Variants in GABRB3 observed in about 807,000 individuals in gnomAD.
GABRB3 encodes the protein gamma-aminobutyric acid type A receptor subunit beta3, also known as gamma-aminobutyric acid receptor subunit beta-3.
Under a neutral mutation model 52.1 loss-of-function variants are expected in GABRB3, and 14 were observed. The observed-to-expected ratio is 0.27, with a 90% CI of 0.18 to 0.42. The LOEUF (loss-of-function observed/expected upper bound fraction) is 0.42. GABRB3 is among the 10% of genes least tolerant of loss of function. The pLI is 1.00. For missense variants in GABRB3, 307 were observed against 609.1 expected (o/e 0.50, Z 5.22); for synonymous variants, 260 against 232.3 (o/e 1.12, Z -1.08).
intron 5 of GABRB3, 80 bp from the exon 6 acceptor site, chr15:26,580,536 G>A: frequency 6.3e-7 from 1 of 1,575,720 alleles, no homozygotes; most frequent in Middle Eastern, 1.7e-4. Flanking sequence ...CATTAACATG[G>A]AGGTTGCGGC....
chr15:26,608,815 G>A lies in GABRB3; in HGVS notation c.461+12499C>T, dbSNP rs374757507. The stretch of plus-strand genomic sequence containing the variant: ...ATGAAAGATAAGTGTTGGCAAGGAT[G>A]TGGAAAATAGGGAACCCTTGTACAC... On this transcript the variant is annotated intron_variant, in intron 4 of 8. Coordinates refer to ENST00000311550, the MANE Select transcript of GABRB3 (RefSeq NM_000814.6). Among the ~76,000 whole-genome samples the A allele has an allele frequency of 6.6e-5, 10 of 152,238 alleles. No individual in the cohort carries two copies. The South Asian group carries it at 1.0e-3, about 16-fold the overall frequency.
intron 5 of GABRB3, among the ~76,000 whole-genome samples, chr15:26,582,854 T>TCTCATC (rs1566758283): frequency 5.3e-5 from 8 of 152,312 alleles, no homozygotes; most frequent in African/African-American, 1.9e-4. Flanking sequence ...ATGGATGCAG[T>TCTCATC]TCTCATCTCT....
intron 3 of GABRB3, among the ~76,000 whole-genome samples, chr15:26,760,235 TAAAGC>T (rs1890777745): frequency 2.0e-5 from 3 of 152,160 alleles, no homozygotes; most frequent in Admixed American, 6.6e-5. Flanking sequence ...GTGGTCTGTG[TAAAGC>T]AAATAGAAGG....
chr15:26,647,287 A>T (rs1394966485), intron 3 of GABRB3, among the ~76,000 whole-genome samples: 1 of 152,180 alleles, frequency 6.6e-6, no homozygotes, highest in Non-Finnish European at 1.5e-5. Flanking sequence ...CAAATATTTT[A>T]TTCCTGGCTG....
At chr15:26,629,250 G>GC in intron 3 of GABRB3, 1 of 1,270,178 alleles carries the variant, frequency 7.9e-7, no homozygotes, top group Non-Finnish European at 1.0e-6. Context: ...CGGAAGCTTG[G>GC]CCCCGAGAGG....
At chr15:26,688,095 T>C (rs61998714) in intron 3 of GABRB3, among the ~76,000 whole-genome samples, 17,970 of 152,242 alleles carry the variant, frequency 0.12, 1,129 homozygotes, top group Non-Finnish European at 0.15. Flanking sequence ...AGACTGGTCA[T>C]TTGAGTGGAA....
At chr15:26,601,076 A>T (rs149974236) in intron 4 of GABRB3, among the ~76,000 whole-genome samples, 1 of 152,246 alleles carries the variant, frequency 6.6e-6, no homozygotes, top group East Asian at 1.9e-4. Flanking sequence ...TGTTCTACGT[A>T]AGGCTCATGG....
chr15:26,601,600 AAAG>A (rs1891591265), intron 4 of GABRB3, among the ~76,000 whole-genome samples: 1 of 152,172 alleles, frequency 6.6e-6, no homozygotes, highest in African/African-American at 2.4e-5. Flanking sequence ...CTATTCAAAA[AAAG>A]AGAAATAACA....
chr15:26,666,899 C>T (rs1887730570), intron 3 of GABRB3, among the ~76,000 whole-genome samples: 1 of 152,120 alleles, frequency 6.6e-6, no homozygotes, highest in Admixed American at 6.5e-5. Flanking sequence ...TCTGTTTCCA[C>T]TACAGCCACC....
chr15:26,649,503 T>C (rs766847782), intron 3 of GABRB3, among the ~76,000 whole-genome samples: 1 of 152,182 alleles, frequency 6.6e-6, no homozygotes, highest in Non-Finnish European at 1.5e-5. Flanking sequence ...TGTGGTATTC[T>C]GTTATAGCAG....
chr15:26,587,573 T>A (rs1455669857), intron 4 of GABRB3, among the ~76,000 whole-genome samples: 1 of 152,110 alleles, frequency 6.6e-6, no homozygotes, highest in African/African-American at 2.4e-5. Context: ...GAATCGACCC[T>A]GGGATGTTGC....
intron 4 of GABRB3, among the ~76,000 whole-genome samples, chr15:26,604,571 A>G (rs2140505793): frequency 6.6e-6 from 1 of 152,298 alleles, no homozygotes; most frequent in East Asian, 1.9e-4. Flanking sequence ...AAACAGACAT[A>G]CAGACCAACA....
chr15:26,675,991 C>T (rs915824035), intron 3 of GABRB3, among the ~76,000 whole-genome samples: 2 of 152,092 alleles, frequency 1.3e-5, no homozygotes, highest in African/African-American at 2.4e-5. Flanking sequence ...TTCAGAAAGG[C>T]CTGATTAGAG....
intron 8 of GABRB3, among the ~76,000 whole-genome samples, chr15:26,550,878 T>A (rs1005045528): frequency 1.3e-5 from 2 of 152,210 alleles, no homozygotes; most frequent in Non-Finnish European, 2.9e-5. Context: ...GGTAATCTGT[T>A]ACAGTGGCAA....
At chr15:26,618,503 A>G (rs1892351037) in intron 4 of GABRB3, among the ~76,000 whole-genome samples, 4 of 152,176 alleles carry the variant, frequency 2.6e-5, no homozygotes, top group Non-Finnish European at 5.9e-5. Flanking sequence ...TACACCTTAT[A>G]CAAAAATCAA....
At chr15:26,735,864 AG>A (rs979001755) in intron 3 of GABRB3, among the ~76,000 whole-genome samples, 1 of 151,472 alleles carries the variant, frequency 6.6e-6, no homozygotes, top group Non-Finnish European at 1.5e-5. Context: ...CTGAAGCAGG[AG>A]GATCACTTGA....
chr15:26,629,247 T>C lies in GABRB3; in HGVS notation c.241-7713A>G, dbSNP rs1040525275. ...CTGGAAAGGAGGGCAGCGCGGAAGC[T>C]TGGCCCCGAGAGGGAGGAGGCGTGG... On this transcript the variant is annotated intron_variant, in intron 3 of 8. Coordinates refer to ENST00000311550, the MANE Select transcript of GABRB3 (RefSeq NM_000814.6). 5 of 1,348,840 alleles carry C rather than the reference T, an allele frequency of 3.7e-6. No individual in the cohort carries two copies. In the South Asian group the frequency reaches 6.1e-5, roughly 16 times the overall value. The allele number at this position is 1,348,840 out of a possible 1,614,324, so 83.6% of individuals were successfully genotyped here. A position where few individuals can be genotyped will look rare whatever the true frequency, so the allele number is the denominator to read the frequency against.
At chr15:26,649,858 A>G (rs1887142859) in intron 3 of GABRB3, among the ~76,000 whole-genome samples, 1 of 152,116 alleles carries the variant, frequency 6.6e-6, no homozygotes, top group South Asian at 2.1e-4. Context: ...TGAGTTTTTA[A>G]TTTCAGTCTT....
chr15:26,687,123 C>G (rs991763985), intron 3 of GABRB3, among the ~76,000 whole-genome samples: 1 of 152,206 alleles, frequency 6.6e-6, no homozygotes, highest in Non-Finnish European at 1.5e-5. Context: ...TGTTCTGACT[C>G]GTGTCTTCCT....
Sources: allele counts gnomAD v4.1 joint callset (sites outside exome capture counted in the v4.1 genomes callset), GRCh38; gene constraint gnomAD v4.1.1; transcripts MANE v1.5; gene names NCBI Gene and HGNC (gene_info 2026-07-23, HGNC 2026-07-21).